Variants in MTCL1 observed in about 807,000 individuals in gnomAD.
The protein encoded by MTCL1 is microtubule cross-linking factor 1.
Under a neutral mutation model 141.4 loss-of-function variants are expected in MTCL1, and 79 were observed. That is an observed-to-expected ratio of 0.56 (90% CI 0.47 to 0.67). The LOEUF (loss-of-function observed/expected upper bound fraction) is 0.67, where lower values mean the gene tolerates loss of function less well. Among genes scored for constraint, MTCL1 ranks in the 30% least tolerant of loss-of-function variants. The pLI is 0.00. For synonymous variants in MTCL1, 914 were observed against 875.8 expected (o/e 1.04, Z -0.77); for missense variants, 2,177 against 2,113.9 (o/e 1.03, Z -0.59).
At position 8,705,888 on chromosome 18, in the gene MTCL1, C is replaced by A; in HGVS notation, c.228C>A (p.Arg76=). 9.0e-7 allele frequency: 1 copy of A among 1,108,220 alleles called. No homozygotes were observed. Among genetic ancestry groups the A allele is most frequent in the Non-Finnish European group, 1.1e-6 (1 of 909,200 alleles). 68.6% of individuals were successfully genotyped at this position (1,108,220 alleles called of 1,614,324 possible). ...GAGCCCCGGCTCCCGCCGCCCCGCG[C>A]TCGCCCAACCTCGCGGGCAAAGCGC... The change falls in exon 1 of 14, where the codon CGC becomes CGA. Residue 76 remains arginine (R), a synonymous_variant. Transcript: ENST00000306329. The surrounding 1 kb of genome is among the most constrained non-coding windows in gnomAD (Gnocchi z 5.2).
At chr18:8,710,664 T>A (rs2096083527) in intron 1 of MTCL1, among the ~76,000 whole-genome samples, 1 of 151,456 alleles carries the variant, frequency 6.6e-6, no homozygotes, top group Admixed American at 6.6e-5. Flanking sequence ...GAATCCCTTT[T>A]ACCAAAGTGA....
intron 4 of MTCL1, among the ~76,000 whole-genome samples, chr18:8,756,154 C>T (rs528147788): frequency 2.0e-5 from 3 of 152,130 alleles, no homozygotes; most frequent in South Asian, 2.1e-4. Flanking sequence ...AAAGAATAAC[C>T]ATGCACAAGA....
In MTCL1 at chr18:8,831,881, A is replaced by C. The variant is rs999688065; in HGVS notation, c.*293A>C. On this transcript the variant is annotated 3_prime_UTR_variant, in exon 17 of 17. Transcript: ENST00000359865. ...CATCACCATGAACAAAACTCTGCCC[A>C]ACAGGAGAGATCTAGTTTTCTCAAG... The C allele has an allele frequency of 2.7e-6, 4 of 1,475,872 alleles. No homozygotes were observed. The Admixed American group carries it at 8.0e-5, about 30-fold the overall frequency. The allele number at this position is 1,475,872 out of a possible 1,614,324, so 91.4% of individuals were successfully genotyped here. A position where few individuals can be genotyped will look rare whatever the true frequency, so the allele number is the denominator to read the frequency against.
intron 7 of MTCL1, chr18:8,786,560 A>T (rs1226315965): frequency 4.7e-5 from 17 of 360,278 alleles, no homozygotes; most frequent in Non-Finnish European, 8.8e-5. Flanking sequence ...TGGTAGAATC[A>T]GGGAGGCTCG....
chr18:8,825,439 A>G, exon 15 of MTCL1: 1 of 1,566,936 alleles, frequency 6.4e-7, no homozygotes, highest in Non-Finnish European at 8.7e-7. Flanking sequence ...ATGGCCTGCC[A>G]GACCAATGGG....
At chr18:8,812,136 A>T (rs1392909124) in intron 11 of MTCL1, among the ~76,000 whole-genome samples, 1 of 152,262 alleles carries the variant, frequency 6.6e-6, no homozygotes, top group Non-Finnish European at 1.5e-5. Flanking sequence ...ATATTAAAAC[A>T]GAAAATAATG....
At chr18:8,825,971 C>T (rs746667107) in exon 15 of MTCL1, 1 of 1,597,502 alleles carries the variant, frequency 6.3e-7, no homozygotes, top group Non-Finnish European at 8.5e-7. Context: ...AAACAGGCAC[C>T]AATTCCCGAG....
chr18:8,747,416 A>AG (rs1240450114), intron 4 of MTCL1, among the ~76,000 whole-genome samples: 3 of 152,174 alleles, frequency 2.0e-5, no homozygotes, highest in South Asian at 2.1e-4. Flanking sequence ...GAAAGGCCCT[A>AG]GGGGAGAGTC....
chr18:8,832,742 C>T lies in MTCL1; in HGVS notation c.*1154C>T, dbSNP rs1323441895. Reference sequence around the variant, plus strand: ...TGATGCCTCTGGGTCTGTATGAGACCGTGATGAAGTAGAAATAAAGCCCTT... The same window carrying T: ...TGATGCCTCTGGGTCTGTATGAGACTGTGATGAAGTAGAAATAAAGCCCTT... On this transcript the variant is annotated 3_prime_UTR_variant, in exon 17 of 17. Transcript: ENST00000359865. 5 of 152,028 alleles carry T rather than the reference C, an allele frequency of 3.3e-5. No individual in the cohort carries two copies. In the South Asian group the frequency reaches 6.2e-4, roughly 19 times the overall value. The allele number at this position is 152,028 out of a possible 1,614,324, so 9.4% of individuals were successfully genotyped here. A position where few individuals can be genotyped will look rare whatever the true frequency, so the allele number is the denominator to read the frequency against.
chr18:8,826,967 A>G (rs1445194305), intron 15 of MTCL1, among the ~76,000 whole-genome samples: 2 of 152,250 alleles, frequency 1.3e-5, no homozygotes, highest in Non-Finnish European at 2.9e-5. Flanking sequence ...TTCCACTTCA[A>G]CAATGAGCAA....
chr18:8,831,837 G>T, exon 17 of MTCL1: 1 of 1,548,410 alleles, frequency 6.5e-7, no homozygotes, highest in African/African-American at 1.4e-5. Flanking sequence ...ATAATTCACT[G>T]TAATTTGCAT....
chr18:8,752,518 A>T (rs964959998), intron 4 of MTCL1, among the ~76,000 whole-genome samples: 1 of 152,246 alleles, frequency 6.6e-6, no homozygotes, highest in Non-Finnish European at 1.5e-5. Flanking sequence ...AGAGGAATGC[A>T]TGTGGCATAG....
At chr18:8,733,378 G>A (rs1454122064) in intron 4 of MTCL1, among the ~76,000 whole-genome samples, 1 of 152,132 alleles carries the variant, frequency 6.6e-6, no homozygotes, top group Admixed American at 6.5e-5. Flanking sequence ...ACAAGTGCCT[G>A]TCTGTATCTG....
chr18:8,798,389 G>C, intron 10 of MTCL1, 98 bp downstream of exon 9: 1 of 1,094,132 alleles, frequency 9.1e-7, no homozygotes, highest in South Asian at 2.4e-5. Flanking sequence ...TTGGCATTCA[G>C]GTAGCAGAAA....
At chr18:8,800,705 G>A (rs770976860) in intron 10 of MTCL1, 4 of 152,246 alleles carry the variant, frequency 2.6e-5, no homozygotes, top group Non-Finnish European at 5.9e-5. Context: ...AGCATTTGAG[G>A]CCAGCATTCC....
upstream of MTCL1, among the ~76,000 whole-genome samples, chr18:8,715,027 A>G (rs375552683): frequency 3.6e-3 from 545 of 152,118 alleles, 2 homozygotes; most frequent in African/African-American, 0.012. Context: ...TGATCTCCTG[A>G]CCTTGTGATC....
intron 4 of MTCL1, among the ~76,000 whole-genome samples, chr18:8,763,172 C>A (rs556282105): frequency 1.3e-5 from 2 of 152,302 alleles, no homozygotes; most frequent in Admixed American, 6.5e-5. Flanking sequence ...CCGAGTTGTT[C>A]TGTCTGGCTT....
intron 3 of MTCL1, among the ~76,000 whole-genome samples, chr18:8,719,124 T>C (rs12455939): frequency 0.23 from 35,393 of 152,122 alleles, 5,238 homozygotes; most frequent in Admixed American, 0.39. Flanking sequence ...CCAGGAGAAG[T>C]AATCACAAAT....
chr18:8,718,223 A>T (rs1434325756), intron 2 of MTCL1, among the ~76,000 whole-genome samples: 1 of 152,212 alleles, frequency 6.6e-6, no homozygotes, highest in Non-Finnish European at 1.5e-5. Context: ...GTTACATAAG[A>T]TTTGAACAGA....
Sources: gnomAD v4.1 joint callset for allele counts (sites outside exome capture counted in the v4.1 genomes callset) on GRCh38, gnomAD v4.1.1 for gene constraint, Gnocchi (gnomAD v3.1) non-coding constraint, MANE v1.5 for transcripts, NCBI Gene and HGNC (gene_info 2026-07-23, HGNC 2026-07-21) for gene names.